HECW1: variants seen among roughly 807,000 people sequenced by gnomAD.
HECW1 encodes E3 ubiquitin-protein ligase HECW1.
HECW1 carries 61 observed loss-of-function variants against 182.3 expected under a neutral mutation model. The observed-to-expected ratio is 0.33, with a 90% CI of 0.27 to 0.41. The LOEUF (loss-of-function observed/expected upper bound fraction) is 0.41, where lower values mean the gene tolerates loss of function less well. HECW1 is among the 10% of genes least tolerant of loss of function. The pLI is 1.00. For missense variants in HECW1, 1,739 were observed against 2,108.9 expected (o/e 0.82, Z 3.44); for synonymous variants, 859 against 832.6 (o/e 1.03, Z -0.55).
intron 2 of HECW1, among the ~76,000 whole-genome samples, chr7:43,161,986 A>G (rs563289217): frequency 1.2e-4 from 18 of 152,326 alleles, no homozygotes; most frequent in African/African-American, 4.3e-4. Context: ...TGATGGTGGC[A>G]TCTGTCACTT....
At chr7:43,434,429 A>G (rs1290992936) in intron 8 of HECW1, among the ~76,000 whole-genome samples, 1 of 152,246 alleles carries the variant, frequency 6.6e-6, no homozygotes, top group East Asian at 1.9e-4. Context: ...GTTGTGAATA[A>G]CAGAGTCCAG....
intron 12 of HECW1, among the ~76,000 whole-genome samples, chr7:43,454,631 G>T (rs1249936545): frequency 6.6e-6 from 1 of 152,040 alleles, no homozygotes; most frequent in Non-Finnish European, 1.5e-5. Flanking sequence ...GGATACTTTG[G>T]TTTTTACTGG....
At chr7:43,464,858 A>G (rs1363611253) in intron 14 of HECW1, among the ~76,000 whole-genome samples, 1 of 152,014 alleles carries the variant, frequency 6.6e-6, no homozygotes, top group Non-Finnish European at 1.5e-5. Context: ...GCTGGAGTGC[A>G]TGGTGCGATC....
intron 16 of HECW1, among the ~76,000 whole-genome samples, chr7:43,473,627 A>C (rs2078107067): frequency 6.7e-6 from 1 of 148,168 alleles, no homozygotes; most frequent in African/African-American, 2.5e-5. Flanking sequence ...GACTGGAATA[A>C]AAAAAAAAAA....
intron 5 of HECW1, among the ~76,000 whole-genome samples, chr7:43,351,678 C>CTTTTTTTTTTTTTTTTTTTTTT (rs200929407): frequency 8.3e-6 from 1 of 120,574 alleles, no homozygotes; most frequent in African/African-American, 3.1e-5. Flanking sequence ...TTTCTTTCTT[C>CTTTTTTTTTTTTTTTTTTTTTT]TTTTTTTTTT....
intron 6 of HECW1, among the ~76,000 whole-genome samples, chr7:43,384,716 A>G (rs1472497238): frequency 1.3e-5 from 2 of 152,212 alleles, no homozygotes; most frequent in South Asian, 2.1e-4. Context: ...TGAATGAGCC[A>G]TGTCCATTCT....
rs66910107 is a variant in HECW1, at chr7:43,374,773, CAAAAAAAAAAAAAAAA to C, written c.555+13805_555+13820del. On this transcript the variant is annotated intron_variant, in intron 6 of 29. Transcript: ENST00000395891. ...TGGGCGACAGAGCTAGACTCCGTCT[CAAAAAAAAAAAAAAAA>C]AAAAAAAAAAATAGAGAAATATAAT... Among the ~76,000 whole-genome samples, 8 of 14,502 alleles carry C rather than the reference CAAAAAAAAAAAAAAAA, an allele frequency of 5.5e-4. 3 individuals carry two copies. In the African/African-American group the frequency reaches 6.7e-3, roughly 12 times the overall value. 9.5% of individuals were successfully genotyped at this position (14,502 alleles called of 152,430 possible). A position where few individuals can be genotyped will look rare whatever the true frequency, so the allele number is the denominator to read the frequency against.
chr7:43,348,248 G>A (rs572890738), intron 5 of HECW1, among the ~76,000 whole-genome samples: 1 of 152,218 alleles, frequency 6.6e-6, no homozygotes, highest in East Asian at 1.9e-4. Flanking sequence ...TAAGAGGGCT[G>A]TATTTTTCCA....
chr7:43,200,503 C>A (rs913578538), intron 2 of HECW1, among the ~76,000 whole-genome samples: 1 of 152,224 alleles, frequency 6.6e-6, no homozygotes, highest in African/African-American at 2.4e-5. Context: ...GGTAACCCTA[C>A]CTTCCAATCT....
intron 2 of HECW1, among the ~76,000 whole-genome samples, chr7:43,196,212 C>A (rs1373504418): frequency 6.6e-6 from 1 of 152,168 alleles, no homozygotes; most frequent in Non-Finnish European, 1.5e-5. Context: ...GACTGTTCTC[C>A]TTCCTCTCCA....
At chr7:43,208,222 A>C (rs1472848219) in intron 2 of HECW1, among the ~76,000 whole-genome samples, 1 of 152,126 alleles carries the variant, frequency 6.6e-6, no homozygotes, top group Non-Finnish European at 1.5e-5. Flanking sequence ...CCAATAGACT[A>C]ATTCTCTGAA....
intron 24 of HECW1, among the ~76,000 whole-genome samples, chr7:43,512,804 GC>G (rs1381297257): frequency 6.6e-6 from 1 of 152,136 alleles, no homozygotes; most frequent in Admixed American, 6.5e-5. Flanking sequence ...TTAATGCCTA[GC>G]AAAAATCCAT....
chr7:43,490,018 T>C (rs2078868696), intron 17 of HECW1, among the ~76,000 whole-genome samples: 1 of 152,214 alleles, frequency 6.6e-6, no homozygotes. Context: ...GAACTCTTTC[T>C]AAGTGTCTTA....
intron 2 of HECW1, among the ~76,000 whole-genome samples, chr7:43,145,322 G>A (rs182979936): frequency 1.3e-5 from 2 of 152,224 alleles, no homozygotes; most frequent in East Asian, 3.9e-4. Context: ...TTGAGACAGG[G>A]TCTCGCTGTC....
chr7:43,172,812 G>A (rs1391220882), intron 2 of HECW1, among the ~76,000 whole-genome samples: 1 of 152,192 alleles, frequency 6.6e-6, no homozygotes, highest in Non-Finnish European at 1.5e-5. Context: ...CATTGTAAGC[G>A]ATCCTTGGAC....
chr7:43,472,314 C>T (rs965306152), intron 16 of HECW1, among the ~76,000 whole-genome samples: 11 of 152,234 alleles, frequency 7.2e-5, no homozygotes, highest in African/African-American at 1.4e-4. Flanking sequence ...GTTAATACCA[C>T]GACCTTCCCT....
In HECW1 at chr7:43,443,186, T is replaced by G. The variant is rs199899207; in HGVS notation, c.1045+557T>G. 7.2e-5 allele frequency among the ~76,000 whole-genome samples: 11 copies of G among 152,346 alleles called. No homozygotes were observed. The East Asian group carries it at 2.1e-3, about 29-fold the overall frequency. On this transcript the variant is annotated intron_variant, in intron 10 of 29. Transcript: ENST00000395891. The stretch of plus-strand genomic sequence containing the variant: ...CGAATGATAAGATGCCTCATAATTT[T>G]ATTTTTGCTCTTCTTCTGCAGCCCC...
intron 2 of HECW1, among the ~76,000 whole-genome samples, chr7:43,242,179 A>G (rs1249727847): frequency 2.0e-5 from 3 of 152,226 alleles, no homozygotes; most frequent in African/African-American, 4.8e-5. Context: ...CCACTAAAAC[A>G]AGGAAGGGCG....
At chr7:43,456,571 T>C in intron 13 of HECW1, 124 bp downstream of exon 13, 1 of 866,922 alleles carries the variant, frequency 1.2e-6, no homozygotes, top group Non-Finnish European at 1.6e-6. Context: ...ATTAAGTATC[T>C]TAAGAAACCT....
Sources: allele counts gnomAD v4.1 joint callset (sites outside exome capture counted in the v4.1 genomes callset), GRCh38; gene constraint gnomAD v4.1.1; transcripts MANE v1.5; gene names NCBI Gene and HGNC (gene_info 2026-07-23, HGNC 2026-07-21).